KNTC1: variants seen among roughly 807,000 people sequenced by gnomAD.
KNTC1 encodes the protein kinetochore-associated protein 1.
A neutral mutation model predicts 314.4 loss-of-function variants in KNTC1; 253 were observed. That is an observed-to-expected ratio of 0.80 (90% CI 0.73 to 0.89). KNTC1 has a LOEUF of 0.89. Ranked by LOEUF, KNTC1 falls within the 40% of genes least tolerant of loss-of-function variation. The probability of loss-of-function intolerance (pLI) is 0.00; values close to 1 mark genes in which losing one functional copy is unlikely to be tolerated. For missense variants in KNTC1, 2,475 were observed against 2,572.9 expected (o/e 0.96, Z 0.82); for synonymous variants, 901 against 901.4 (o/e 1.00, Z 0.01).
intron 32 of KNTC1, 54 bp downstream of exon 32, chr12:122,580,031 T>A: frequency 8.2e-7 from 1 of 1,213,060 alleles, no homozygotes; most frequent in South Asian, 1.3e-5. Context: ...CTCACCCTCT[T>A]CAGAAAGAGG....
rs909368809 is a variant in KNTC1 at position 122,575,663 on chromosome 12, C to A, written c.2486+17C>A. ...CCATCCCAAGTAAGATGACTGTCTACGAAACAATGTTGTTATGCTCTGGAG... is the reference window on the plus strand; with the variant it reads ...CCATCCCAAGTAAGATGACTGTCTAAGAAACAATGTTGTTATGCTCTGGAG... On this transcript the variant is annotated intron_variant, in intron 28 of 63. Coordinates refer to ENST00000333479, the MANE Select transcript of KNTC1 (RefSeq NM_014708.6). 4 of 1,546,914 alleles carry A rather than the reference C, an allele frequency of 2.6e-6. No homozygotes were observed. The African/African-American group carries it at 5.4e-5, about 21-fold the overall frequency.
chr12:122,616,384 T>C (rs969659468), intron 57 of KNTC1, among the ~76,000 whole-genome samples: 1 of 151,948 alleles, frequency 6.6e-6, no homozygotes, highest in South Asian at 2.1e-4. Flanking sequence ...TGCCTCAGCC[T>C]CCTGAGTAGC....
chr12:122,578,176 G>A (rs1157145734), intron 31 of KNTC1, among the ~76,000 whole-genome samples: 1 of 152,178 alleles, frequency 6.6e-6, no homozygotes, highest in African/African-American at 2.4e-5. Flanking sequence ...TTGAAACTTA[G>A]AAATGGTTTT....
chr12:122,537,543 T>C (rs751301130), intron 3 of KNTC1, among the ~76,000 whole-genome samples: 2 of 151,932 alleles, frequency 1.3e-5, no homozygotes, highest in Non-Finnish European at 2.9e-5. Flanking sequence ...CTCAGCCTCC[T>C]GAGTAGACTG....
chr12:122,610,844 C>T lies in KNTC1; in HGVS notation c.5566C>T (p.Arg1856Cys), dbSNP rs1174501490. ...LRRVQYLLLS[R>C]PIDYSSRMLF... ...CAGAGTGCAGTATCTCCTCCTGTCTCGTCCAATTGATTATAGTTCAAGAAT... is the reference window on the plus strand; with the variant it reads ...CAGAGTGCAGTATCTCCTCCTGTCTTGTCCAATTGATTATAGTTCAAGAAT... Residue 1856 changes from arginine (R) to cysteine (C), a missense_variant, in exon 53 of 64, where the codon CGT becomes TGT. Arg to Cys is a radical substitution (Grantham distance 180). Coordinates refer to ENST00000333479, the MANE Select transcript of KNTC1 (RefSeq NM_014708.6). 3.7e-6 allele frequency: 6 copies of T among 1,612,718 alleles called. No homozygotes were observed. The highest frequency in any genetic ancestry group is 3.3e-5 in the South Asian group (3 of 91,058).
At chr12:122,589,776 A>G (rs1289611334) in intron 40 of KNTC1, among the ~76,000 whole-genome samples, 1 of 94,590 alleles carries the variant, frequency 1.1e-5, no homozygotes, top group Non-Finnish European at 2.0e-5. Flanking sequence ...GGGCCCCCCA[A>G]TTTTTTTTTT....
Position 122,574,361 on chromosome 12 carries a change from C to A in KNTC1, c.2363C>A (p.Ala788Glu). Residue 788 changes from alanine (A) to glutamate (E), a missense_variant, in exon 27 of 64, where the codon GCG becomes GAG. Transcript: ENST00000333479. The stretch of plus-strand genomic sequence containing the variant: ...GAAGCAAAGGCCATGGCAGTAATAG[C>A]GTGTTTATCTGACACGGACGTAAGT... Reference protein sequence around the residue: ...AWEAKAMAVIACLSDTDLIFD... With the variant: ...AWEAKAMAVIECLSDTDLIFD... 6.2e-7 allele frequency: 1 copy of A among 1,604,140 alleles called. No individual in the cohort carries two copies. The highest frequency in any genetic ancestry group is 8.5e-7 in the Non-Finnish European group (1 of 1,173,040).
chr12:122,563,853 C>T (rs1474663794), intron 20 of KNTC1: 8 of 1,406,442 alleles, frequency 5.7e-6, no homozygotes, highest in African/African-American at 1.5e-5. Context: ...ACAGTCTTCA[C>T]TCTATAAACA....
rs567792337 is a variant in KNTC1, at chr12:122,539,951, T to A, written c.445+197T>A. Among the ~76,000 whole-genome samples, 5 of 151,292 alleles carry A rather than the reference T, an allele frequency of 3.3e-5. No individual in the cohort carries two copies. In the South Asian group the frequency reaches 1.0e-3, roughly 32 times the overall value. ...TGTGCCACCACGCCCGGCTAATTTT[T>A]GTATTTTTAATAGAGATGGAGTTTC... On this transcript the variant is annotated intron_variant, in intron 5 of 63. Transcript: ENST00000333479.
At chr12:122,539,094 C>G (rs993597876) in intron 4 of KNTC1, among the ~76,000 whole-genome samples, 4 of 152,184 alleles carry the variant, frequency 2.6e-5, no homozygotes, top group Non-Finnish European at 5.9e-5. Flanking sequence ...CCCACTTTAA[C>G]AACTTTGGGA....
Position 122,595,937 on chromosome 12 carries a change from CAG to C in KNTC1, c.4355+1557_4355+1558del, listed in dbSNP as rs556547217. On this transcript the variant is annotated intron_variant, in intron 43 of 63. Coordinates refer to ENST00000333479, the MANE Select transcript of KNTC1 (RefSeq NM_014708.6). ...TAAATTTAGATAAACTTTAGAATAT[CAG>C]AGAGTGACTTGAAAATGGTGGTACT... 2.1e-4 allele frequency among the ~76,000 whole-genome samples: 32 copies of C among 152,322 alleles called. 1 individual carries two copies. In the South Asian group the frequency reaches 6.4e-3, roughly 31 times the overall value.
chr12:122,615,358 G>T, intron 56 of KNTC1, 112 bp from the exon 57 acceptor site: 1 of 914,634 alleles, frequency 1.1e-6, no homozygotes, highest in South Asian at 1.9e-5. Context: ...CAGTTATCAT[G>T]GAAGATAACG....
chr12:122,615,597 A>C lies in KNTC1; in HGVS notation c.6030+71A>C, dbSNP rs7307052. The C allele has an allele frequency of 7.6e-3, 10,263 of 1,347,246 alleles. 661 individuals carry two copies. The African/African-American group carries it at 0.13, about 18-fold the overall frequency. 83.5% of individuals were successfully genotyped at this position (1,347,246 alleles called of 1,614,324 possible). ...CTTTCTGGCCTTGTGACTGCTGGGG[A>C]CACTGGATTAAGCAGTCAGCTCCTT... On this transcript the variant is annotated intron_variant, in intron 57 of 63. Transcript: ENST00000333479.
rs1241149590 is a variant in KNTC1 at position 122,530,206 on chromosome 12, CACTG to C, written c.129+19_129+22del. On this transcript the variant is annotated intron_variant, in intron 2 of 63. Coordinates refer to ENST00000333479, the MANE Select transcript of KNTC1 (RefSeq NM_014708.6). ...TCTTCTGAAAAGGTAGTGATTATTACACTGACTGTTTCATTCACAGAATTTTTAC... is the reference window on the plus strand; with the variant it reads ...TCTTCTGAAAAGGTAGTGATTATTACACTGTTTCATTCACAGAATTTTTAC... 1.2e-6 allele frequency: 2 copies of C among 1,608,992 alleles called. No individual in the cohort carries two copies. Among genetic ancestry groups the C allele is most frequent in the South Asian group, 1.1e-5 (1 of 90,420 alleles).
At chr12:122,604,674 T>G in intron 49 of KNTC1, 37 bp downstream of exon 49, 1 of 1,427,602 alleles carries the variant, frequency 7.0e-7, no homozygotes, top group South Asian at 1.2e-5. Context: ...CTTCTCTTCT[T>G]CCTAATTAAA....
intron 20 of KNTC1, among the ~76,000 whole-genome samples, chr12:122,563,003 G>A (rs112752181): frequency 5.6e-5 from 8 of 142,444 alleles, no homozygotes; most frequent in African/African-American, 1.5e-4. Context: ...AGCAAGACTC[G>A]GTCTCAAAAA....
rs769892238 is a variant in KNTC1, at chr12:122,624,619, G to A, written c.6537G>A (p.Leu2179=). 33 of 1,612,146 alleles carry A rather than the reference G, an allele frequency of 2.0e-5. No homozygotes were observed. Among genetic ancestry groups the A allele is most frequent in the African/African-American group, 2.7e-5 (2 of 75,014 alleles). The change falls in exon 63 of 64, where the codon TTG becomes TTA. Residue 2179 remains leucine (L), a synonymous_variant. Transcript: ENST00000333479. ...NDLSLDEASV[L]ITEYSKHCGK... ...GTAGTTTAGATGAAGCTTCAGTCTT[G>A]ATAACTGAATATTCAAAGCACTGCG...
chr12:122,606,606 A>G (rs1872617193), intron 51 of KNTC1, among the ~76,000 whole-genome samples: 1 of 152,162 alleles, frequency 6.6e-6, no homozygotes, highest in Non-Finnish European at 1.5e-5. Flanking sequence ...TATGAAAGAA[A>G]TGGCCTGTTC....
In KNTC1 at chr12:122,527,278, A is replaced by G. The variant is rs1960735773; in HGVS notation, c.-147A>G. On this transcript the variant is annotated 5_prime_UTR_variant, in exon 1 of 64. Coordinates refer to ENST00000333479, the MANE Select transcript of KNTC1 (RefSeq NM_014708.6). ...TAAGCCTGTGGCATGGAACCTAAAG[A>G]CTAGAGGCGGTTGTGTGAGTCAGGA... The G allele has an allele frequency of 4.4e-6, 1 of 225,918 alleles. No individual in the cohort carries two copies. The allele number at this position is 225,918 out of a possible 1,614,324, so 14.0% of individuals were successfully genotyped here. A position where few individuals can be genotyped will look rare whatever the true frequency, so the allele number is the denominator to read the frequency against.
Sources: gnomAD v4.1 joint callset for allele counts (sites outside exome capture counted in the v4.1 genomes callset) on GRCh38, gnomAD v4.1.1 for gene constraint, MANE v1.5 for transcripts, NCBI Gene and HGNC (gene_info 2026-07-23, HGNC 2026-07-21) for gene names.